RNF13: variants seen among roughly 807,000 people sequenced by gnomAD.
RNF13 encodes the protein ring finger protein 13.
In RNF13, 19 loss-of-function variants were observed where a neutral mutation model predicts 37.7. That is an observed-to-expected ratio of 0.50 (90% CI 0.35 to 0.74). RNF13 has a LOEUF of 0.74. Ranked by LOEUF, RNF13 falls within the 30% of genes least tolerant of loss-of-function variation. The pLI, the probability that RNF13 is intolerant of heterozygous loss-of-function variation, is 0.01. For synonymous variants in RNF13, 144 were observed against 157.8 expected (o/e 0.91, Z 0.65); for missense variants, 375 against 453.0 (o/e 0.83, Z 1.56).
At chr3:149,893,776 A>G (rs568334705) in intron 4 of RNF13, 1 of 152,166 alleles carries the variant, frequency 6.6e-6, no homozygotes, top group African/African-American at 2.4e-5. Flanking sequence ...AAAATAAAAC[A>G]TGTACTCATA....
At chr3:149,906,132 G>T (rs1231488940) in intron 6 of RNF13, among the ~76,000 whole-genome samples, 1 of 151,984 alleles carries the variant, frequency 6.6e-6, no homozygotes, top group East Asian at 1.9e-4. Flanking sequence ...TGTTTTCAAG[G>T]TTCATCATAT....
chr3:149,908,831 A>T (rs1458071613), intron 6 of RNF13, among the ~76,000 whole-genome samples: 1 of 152,216 alleles, frequency 6.6e-6, no homozygotes, highest in African/African-American at 2.4e-5. Flanking sequence ...TGGGGAAATT[A>T]GACAGGTTAT....
At chr3:149,919,837 T>C (rs1042839530) in intron 7 of RNF13, among the ~76,000 whole-genome samples, 5 of 152,208 alleles carry the variant, frequency 3.3e-5, no homozygotes, top group African/African-American at 1.2e-4. Context: ...CCAAAGTGGT[T>C]GTACCATTTT....
chr3:149,840,661 A>G (rs1043104295), intron 1 of RNF13, among the ~76,000 whole-genome samples: 1 of 152,156 alleles, frequency 6.6e-6, no homozygotes, highest in African/African-American at 2.4e-5. Flanking sequence ...GCCAGTAAGA[A>G]TTGTAATGGG....
intron 1 of RNF13, among the ~76,000 whole-genome samples, chr3:149,840,359 C>CT (rs1269930505): frequency 2.0e-5 from 3 of 151,990 alleles, no homozygotes; most frequent in Non-Finnish European, 2.9e-5. Context: ...AGAAGTGTGA[C>CT]TTTTTTTATT....
intron 3 of RNF13, among the ~76,000 whole-genome samples, chr3:149,870,805 C>T (rs1314810001): frequency 2.6e-5 from 4 of 151,710 alleles, no homozygotes; most frequent in African/African-American, 9.7e-5. Context: ...TTCCATATCA[C>T]AAGCTGAGCA....
chr3:149,915,097 TTA>T (rs1227106360), intron 7 of RNF13, among the ~76,000 whole-genome samples: 1 of 152,144 alleles, frequency 6.6e-6, no homozygotes, highest in African/African-American at 2.4e-5. Context: ...GGGTACTGGA[TTA>T]TATGTTTTTT....
At chr3:149,827,675 AT>A (rs1720642220) in intron 1 of RNF13, among the ~76,000 whole-genome samples, 1 of 152,200 alleles carries the variant, frequency 6.6e-6, no homozygotes, top group Non-Finnish European at 1.5e-5. Context: ...ATAGAAAGTC[AT>A]ATTATAATAA....
intron 9 of RNF13, 55 bp from the exon 10 acceptor site, chr3:149,960,683 AAT>A (rs1722314415): frequency 6.7e-7 from 1 of 1,494,310 alleles, no homozygotes; most frequent in Non-Finnish European, 9.0e-7. Context: ...CAAGAGATTA[AAT>A]ATAAAAGTAT....
intron 1 of RNF13, among the ~76,000 whole-genome samples, chr3:149,829,226 A>G (rs151232759): frequency 4.1e-4 from 62 of 152,126 alleles, no homozygotes; most frequent in African/African-American, 1.5e-3. Context: ...CAGCCTCCCA[A>G]GTAGCTGGGA....
intron 1 of RNF13, among the ~76,000 whole-genome samples, chr3:149,815,492 C>A (rs547556845): frequency 3.3e-5 from 5 of 152,242 alleles, no homozygotes; most frequent in African/African-American, 4.8e-5. Flanking sequence ...TCATGTTTAC[C>A]ATATGGCATT....
At chr3:149,930,164 A>G (rs554593981) in intron 8 of RNF13, among the ~76,000 whole-genome samples, 1 of 152,206 alleles carries the variant, frequency 6.6e-6, no homozygotes, top group African/African-American at 2.4e-5. Flanking sequence ...CCTGACCTCA[A>G]GTGATCTGCC....
intron 2 of RNF13, among the ~76,000 whole-genome samples, chr3:149,849,108 G>GT (rs1382228675): frequency 1.3e-5 from 2 of 152,144 alleles, no homozygotes; most frequent in East Asian, 3.9e-4. Flanking sequence ...AAAAAGAAAC[G>GT]TAATACTATT....
At chr3:149,852,377 C>T (rs1348659058) in intron 2 of RNF13, 139 bp from the exon 3 acceptor site, 5 of 421,398 alleles carry the variant, frequency 1.2e-5, no homozygotes, top group Non-Finnish European at 1.3e-5. Context: ...TGTACATTTA[C>T]AAATTCAGTT....
intron 4 of RNF13, among the ~76,000 whole-genome samples, chr3:149,886,700 CTT>C (rs1714075458): frequency 6.6e-6 from 1 of 152,152 alleles, no homozygotes; most frequent in Admixed American, 6.5e-5. Context: ...GGCATTAAGT[CTT>C]TTAACCTGAA....
chr3:149,930,673 G>A (rs1719075917), intron 8 of RNF13, among the ~76,000 whole-genome samples: 1 of 152,146 alleles, frequency 6.6e-6, no homozygotes, highest in Non-Finnish European at 1.5e-5. Context: ...GAATTCACCA[G>A]TGAACCTATC....
At chr3:149,874,053 A>T (rs1484096555) in intron 4 of RNF13, among the ~76,000 whole-genome samples, 1 of 152,170 alleles carries the variant, frequency 6.6e-6, no homozygotes, top group Non-Finnish European at 1.5e-5. Context: ...GAGCCATTCT[A>T]ATGTTAGACA....
intron 1 of RNF13, among the ~76,000 whole-genome samples, chr3:149,814,903 T>G (rs1719266325): frequency 6.6e-6 from 1 of 152,096 alleles, no homozygotes; most frequent in Non-Finnish European, 1.5e-5. Context: ...GTTATTTTTC[T>G]CTATGTAGGG....
intron 7 of RNF13, among the ~76,000 whole-genome samples, chr3:149,917,988 T>G (rs1359618935): frequency 6.6e-6 from 1 of 152,222 alleles, no homozygotes; most frequent in Non-Finnish European, 1.5e-5. Context: ...TGCGTTCTTT[T>G]TCTATTTTCT....
Sources: gnomAD v4.1 joint callset for allele counts (sites outside exome capture counted in the v4.1 genomes callset) on GRCh38, gnomAD v4.1.1 for gene constraint, MANE v1.5 for transcripts, NCBI Gene and HGNC (gene_info 2026-07-23, HGNC 2026-07-21) for gene names.